The following SMIM17 variants were observed in gnomAD, a reference collection of about 807,000 sequenced individuals.
SMIM17 encodes small integral membrane protein 17.
SMIM17 carries 10 observed loss-of-function variants against 12.2 expected under a neutral mutation model. That is an observed-to-expected ratio of 0.82 (90% CI 0.50 to 1.39). SMIM17 has a LOEUF of 1.39. SMIM17 is among the 40% of genes most tolerant of loss of function. The pLI is 0.00. For synonymous variants in SMIM17, 50 were observed against 44.1 expected (o/e 1.13, Z -0.53); for missense variants, 136 against 118.2 (o/e 1.15, Z -0.70).
At chr19:56,645,935 C>A in intron 2 of SMIM17, 99 bp downstream of exon 2, 1 of 1,267,794 alleles carries the variant, frequency 7.9e-7, no homozygotes, top group Non-Finnish European at 1.1e-6. Flanking sequence ...CTCATCCATT[C>A]AACAGCTATT....
chr19:56,652,671 A>AAGAGAG (rs112526874), intron 3 of SMIM17, among the ~76,000 whole-genome samples: 6 of 150,270 alleles, frequency 4.0e-5, no homozygotes, highest in African/African-American at 7.4e-5. Flanking sequence ...AGAAAAAAAA[A>AAGAGAG]AGAGAGAGAG....
chr19:56,653,714 G>T (rs533731946), intron 3 of SMIM17, among the ~76,000 whole-genome samples: 1 of 152,312 alleles, frequency 6.6e-6, no homozygotes, highest in Non-Finnish European at 1.5e-5. Context: ...GCTTAAGTGG[G>T]TCATTGTCCC....
At position 56,648,371 on chromosome 19, in the gene SMIM17, C is replaced by T. The variant is rs2148040574; in HGVS notation, c.246+737C>T. ...CTTTCATCCCTTATGCATCCATATA[C>T]CCATTCCATCCATCCATCCATCCAT... On this transcript the variant is annotated intron_variant, in intron 3 of 3. Coordinates refer to ENST00000598409, the MANE Select transcript of SMIM17 (RefSeq NM_001193628.2). Among the ~76,000 whole-genome samples, 2 of 90,390 alleles carry T rather than the reference C, an allele frequency of 2.2e-5. 1 individual carries two copies. Among genetic ancestry groups the T allele is most frequent in the South Asian group, 8.9e-4 (2 of 2,242 alleles). The allele number at this position is 90,390 out of a possible 152,430, so 59.3% of individuals were successfully genotyped here.
chr19:56,648,019 A>C (rs2045077929), intron 3 of SMIM17, among the ~76,000 whole-genome samples: 1 of 150,204 alleles, frequency 6.7e-6, no homozygotes, highest in Non-Finnish European at 1.5e-5. Flanking sequence ...CATCCACCTA[A>C]ACTTTTATTC....
chr19:56,656,831 C>T lies in SMIM17; in HGVS notation c.*1618C>T, dbSNP rs2045155211. Among the ~76,000 whole-genome samples the T allele has an allele frequency of 6.6e-6, 1 of 152,230 alleles. No individual in the cohort carries two copies. Among genetic ancestry groups the T allele is most frequent in the Non-Finnish European group, 1.5e-5 (1 of 68,038 alleles). ...TGAACACAGAATGTGGCCTATAACA[C>T]ATCTGCTTCCAAAACTTTTTAAAAA... On this transcript the variant is annotated 3_prime_UTR_variant, in exon 4 of 4. Transcript: ENST00000598409.
rs184244407 is a variant in SMIM17 at position 56,650,512 on chromosome 19, T to C, written c.246+2878T>C. 3.3e-5 allele frequency among the ~76,000 whole-genome samples: 5 copies of C among 152,258 alleles called. No homozygotes were observed. In the East Asian group the frequency reaches 5.8e-4, roughly 18 times the overall value. On this transcript the variant is annotated intron_variant, in intron 3 of 3. Transcript: ENST00000598409. Reference sequence around the variant, plus strand: ...TAAGCTCATCTTATTATAACACATCTAGTAACTGAACACTCATTAACTCTC... The same window carrying C: ...TAAGCTCATCTTATTATAACACATCCAGTAACTGAACACTCATTAACTCTC...
intron 3 of SMIM17, among the ~76,000 whole-genome samples, chr19:56,648,923 T>C (rs2045088581): frequency 6.6e-6 from 1 of 152,118 alleles, no homozygotes; most frequent in African/African-American, 2.4e-5. Flanking sequence ...GTCCCATCCA[T>C]CTCCCAATCA....
At chr19:56,648,773 C>G (rs774302082) in intron 3 of SMIM17, among the ~76,000 whole-genome samples, 64 of 152,272 alleles carry the variant, frequency 4.2e-4, no homozygotes, top group Non-Finnish European at 6.0e-4. Flanking sequence ...TTATCAAACA[C>G]ATTTCTTTCA....
At position 56,655,397 on chromosome 19, in the gene SMIM17, T is replaced by G. The variant is rs956745805; in HGVS notation, c.*184T>G. 1 of 480,374 alleles carries G rather than the reference T, an allele frequency of 2.1e-6. No individual in the cohort carries two copies. Among genetic ancestry groups the G allele is most frequent in the Non-Finnish European group, 3.7e-6 (1 of 272,050 alleles). 29.8% of individuals were successfully genotyped at this position (480,374 alleles called of 1,614,324 possible). ...TGAGTTTTCACATACTTTATTTCCA[T>G]GAAATGAAGACATCATTGATTGTAA... is the stretch of plus-strand genomic sequence containing the variant. On this transcript the variant is annotated 3_prime_UTR_variant, in exon 4 of 4. Coordinates refer to ENST00000598409, the MANE Select transcript of SMIM17 (RefSeq NM_001193628.2).
chr19:56,645,817 C>T lies in SMIM17; in HGVS notation c.150C>T (p.Ser50=). ...AGGCTGTGGAGGTTGGGGCCTCCAG[C>T]CATGACAGTGATGAGAAAGGTGAGA... The part of the protein sequence containing the change: ...DWEAVEVGAS[S]HDSDEKDLSS... The change falls in exon 2 of 4, where the codon AGC becomes AGT. Residue 50 remains serine, a synonymous_variant. Transcript: ENST00000598409. The T allele has an allele frequency of 3.3e-6, 5 of 1,534,234 alleles. No individual in the cohort carries two copies. The highest frequency in any genetic ancestry group is 4.4e-6 in the Non-Finnish European group (5 of 1,146,168).
chr19:56,653,826 C>T lies in SMIM17; in HGVS notation c.247-1277C>T, dbSNP rs111792577. On this transcript the variant is annotated intron_variant, in intron 3 of 3. Coordinates refer to ENST00000598409, the MANE Select transcript of SMIM17 (RefSeq NM_001193628.2). ...GTTTCAAAGATTATAAATGTGAATTCCATCAATGATTTATAATATACTTTA... is the reference window on the plus strand; with the variant it reads ...GTTTCAAAGATTATAAATGTGAATTTCATCAATGATTTATAATATACTTTA... Among the ~76,000 whole-genome samples, 385 of 152,302 alleles carry T rather than the reference C, an allele frequency of 2.5e-3. 1 individual carries two copies. Among genetic ancestry groups the T allele is most frequent in the African/African-American group, 8.9e-3 (371 of 41,562 alleles).
At chr19:56,653,392 A>C (rs6510005) in intron 3 of SMIM17, among the ~76,000 whole-genome samples, 88,453 of 152,072 alleles carry the variant, frequency 0.58, 25,953 homozygotes, top group East Asian at 0.73. Flanking sequence ...TTTAATATAT[A>C]TTGATTATCT....
At position 56,646,708 on chromosome 19, in the gene SMIM17, A is replaced by G. The variant is rs181583981; in HGVS notation, c.170-850A>G. 2.0e-5 allele frequency among the ~76,000 whole-genome samples: 3 copies of G among 152,194 alleles called. No homozygotes were observed. In the East Asian group the frequency reaches 5.8e-4, roughly 29 times the overall value. ...CAAGACAGAGGTGAGGTAAGTGGAG[A>G]GATTTGGGACATCTTTGGGAGAAGG... On this transcript the variant is annotated intron_variant, in intron 2 of 3. Transcript: ENST00000598409.
chr19:56,655,484 C>A lies in SMIM17; in HGVS notation c.*271C>A. 2 of 403,184 alleles carry A rather than the reference C, an allele frequency of 5.0e-6. No homozygotes were observed. The allele number at this position is 403,184 out of a possible 1,614,324, so 25.0% of individuals were successfully genotyped here. ...TAATTAATCATTAAGATGCCACCAA[C>A]TGGAAGATATCTCCTGACTTTGAGA... On this transcript the variant is annotated 3_prime_UTR_variant, in exon 4 of 4. Coordinates refer to ENST00000598409, the MANE Select transcript of SMIM17 (RefSeq NM_001193628.2).
intron 3 of SMIM17, among the ~76,000 whole-genome samples, chr19:56,654,102 T>C (rs563710088): frequency 6.6e-6 from 1 of 152,364 alleles, no homozygotes; most frequent in East Asian, 1.9e-4. Flanking sequence ...TTTACAGAGT[T>C]CATACCCTGT....
rs1170750487 is a variant in SMIM17 at position 56,656,271 on chromosome 19, C to A, written c.*1058C>A. On this transcript the variant is annotated 3_prime_UTR_variant, in exon 4 of 4. Transcript: ENST00000598409. ...GAGTTCTTTTATCCTCTAGAAAATT[C>A]TTCATTCCATAGAGCTTTTTCATAT... is the stretch of plus-strand genomic sequence containing the variant. 2.6e-5 allele frequency among the ~76,000 whole-genome samples: 4 copies of A among 152,018 alleles called. No homozygotes were observed. Among genetic ancestry groups the A allele is most frequent in the South Asian group, 4.1e-4 (2 of 4,826 alleles).
intron 2 of SMIM17, among the ~76,000 whole-genome samples, chr19:56,646,348 A>G (rs1223616250): frequency 6.6e-6 from 1 of 152,212 alleles, no homozygotes; most frequent in African/African-American, 2.4e-5. Context: ...CATTTCAAAA[A>G]TATTCCTCTA....
At position 56,656,095 on chromosome 19, in the gene SMIM17, C is replaced by T. The variant is rs2045149234; in HGVS notation, c.*882C>T. The stretch of plus-strand genomic sequence containing the variant: ...AAGTAGCTGGGACTACAGGCGCCCA[C>T]CACCATGCCCAGCTAATTTTTTGTA... On this transcript the variant is annotated 3_prime_UTR_variant, in exon 4 of 4. Coordinates refer to ENST00000598409, the MANE Select transcript of SMIM17 (RefSeq NM_001193628.2). Among the ~76,000 whole-genome samples the T allele has an allele frequency of 6.6e-6, 1 of 151,868 alleles. No individual in the cohort carries two copies. Among genetic ancestry groups the T allele is most frequent in the African/African-American group, 2.4e-5 (1 of 41,346 alleles).
chr19:56,645,624 A>G lies in SMIM17; in HGVS notation c.-44A>G. 7.0e-7 allele frequency: 1 copy of G among 1,436,756 alleles called. No homozygotes were observed. Among genetic ancestry groups the G allele is most frequent in the African/African-American group, 1.4e-5 (1 of 69,364 alleles). The allele number at this position is 1,436,756 out of a possible 1,614,324, so 89.0% of individuals were successfully genotyped here. A position where few individuals can be genotyped will look rare whatever the true frequency, so the allele number is the denominator to read the frequency against. On this transcript the variant is annotated 5_prime_UTR_variant, in exon 2 of 4. Transcript: ENST00000598409. ...CCAGAGAGGACCCTGGAGCAGGAGGAGAAAGAGAAGCTTGTCTCAGAAGCT... is the reference window on the plus strand; with the variant it reads ...CCAGAGAGGACCCTGGAGCAGGAGGGGAAAGAGAAGCTTGTCTCAGAAGCT...
Sources: allele counts gnomAD v4.1 joint callset (sites outside exome capture counted in the v4.1 genomes callset), GRCh38; gene constraint gnomAD v4.1.1; transcripts MANE v1.5; gene names NCBI Gene and HGNC (gene_info 2026-07-23, HGNC 2026-07-21).